Variants in NEK11 observed in about 807,000 individuals in gnomAD.
NEK11 encodes serine/threonine-protein kinase Nek11.
A neutral mutation model predicts 80.7 loss-of-function variants in NEK11; 72 were observed. That is an observed-to-expected ratio of 0.89 (90% CI 0.74 to 1.08). The LOEUF is 1.08. Ranked by LOEUF, NEK11 falls within the 50% of genes least tolerant of loss-of-function variation. NEK11 has a pLI of 0.00. For synonymous variants in NEK11, 251 were observed against 260.7 expected (o/e 0.96, Z 0.36); for missense variants, 764 against 763.6 (o/e 1.00, Z -0.01).
chr3:131,037,325 C>A (rs1176322602), intron 3 of NEK11, among the ~76,000 whole-genome samples: 1 of 149,970 alleles, frequency 6.7e-6, no homozygotes, highest in Non-Finnish European at 1.5e-5. Flanking sequence ...TGCTCTGTTG[C>A]CAGGCTGGAG....
At chr3:131,288,915 G>T (rs923306749) in intron 17 of NEK11, among the ~76,000 whole-genome samples, 2 of 152,128 alleles carry the variant, frequency 1.3e-5, no homozygotes, top group Non-Finnish European at 2.9e-5. Flanking sequence ...AGGGTAGATA[G>T]TAATAAATAA....
At chr3:131,156,426 A>G (rs2090649356) in intron 10 of NEK11, among the ~76,000 whole-genome samples, 1 of 152,168 alleles carries the variant, frequency 6.6e-6, no homozygotes, top group Non-Finnish European at 1.5e-5. Context: ...AGAGAAGCAA[A>G]TGCCATTGAG....
chr3:131,344,814 T>G (rs1363532958), intron 17 of NEK11, among the ~76,000 whole-genome samples: 1 of 152,038 alleles, frequency 6.6e-6, no homozygotes, highest in African/African-American at 2.4e-5. Context: ...TAACCAGATC[T>G]TGTGAGAATT....
intron 14 of NEK11, among the ~76,000 whole-genome samples, chr3:131,226,277 C>G (rs1252279862): frequency 2.6e-5 from 4 of 152,178 alleles, no homozygotes; most frequent in African/African-American, 9.7e-5. Context: ...TTTTCATACA[C>G]TTCTCATGCT....
intron 3 of NEK11, among the ~76,000 whole-genome samples, chr3:131,047,217 C>T (rs2067541991): frequency 1.3e-5 from 2 of 152,150 alleles, no homozygotes; most frequent in African/African-American, 4.8e-5. Context: ...AGTTAGACTT[C>T]ACCTTTCTCT....
Position 131,298,446 on chromosome 3 carries a change from T to C in NEK11, c.1718+24872T>C, listed in dbSNP as rs570319891. ...GAAGCAATTGTGAATGGGAATTCAC[T>C]CATGATTTGGCTCTCTGTCAGCCCA... On this transcript the variant is annotated intron_variant, in intron 17 of 17. Transcript: ENST00000383366. Among the ~76,000 whole-genome samples the C allele has an allele frequency of 2.0e-5, 3 of 152,316 alleles. No individual in the cohort carries two copies. In the East Asian group the frequency reaches 5.8e-4, roughly 29 times the overall value.
intron 14 of NEK11, among the ~76,000 whole-genome samples, chr3:131,175,778 G>T (rs1178370498): frequency 1.3e-5 from 2 of 152,068 alleles, no homozygotes; most frequent in Admixed American, 1.3e-4. Context: ...AAATAAAATT[G>T]ATAAATTAAA....
intron 17 of NEK11, among the ~76,000 whole-genome samples, chr3:131,310,623 C>T (rs909937259): frequency 4.6e-5 from 7 of 152,116 alleles, no homozygotes; most frequent in East Asian, 1.9e-4. Context: ...AAGTGAAAAG[C>T]GATGTCAGAG....
At chr3:131,170,456 T>C (rs2092610863) in intron 13 of NEK11, among the ~76,000 whole-genome samples, 1 of 152,074 alleles carries the variant, frequency 6.6e-6, no homozygotes, top group South Asian at 2.1e-4. Context: ...AGGTGCCAAA[T>C]TGAAGAAGGC....
At chr3:131,204,281 C>A (rs2094373953) in intron 14 of NEK11, among the ~76,000 whole-genome samples, 1 of 152,108 alleles carries the variant, frequency 6.6e-6, no homozygotes. Flanking sequence ...TTATCTGTAT[C>A]CTATGTCATA....
At chr3:131,172,739 A>C (rs2092770435) in intron 14 of NEK11, among the ~76,000 whole-genome samples, 1 of 152,214 alleles carries the variant, frequency 6.6e-6, no homozygotes, top group Non-Finnish European at 1.5e-5. Flanking sequence ...TAAGGCTGAG[A>C]ACTACTGGGC....
chr3:131,224,796 A>G (rs2095139997), intron 14 of NEK11, among the ~76,000 whole-genome samples: 1 of 152,200 alleles, frequency 6.6e-6, no homozygotes, highest in Admixed American at 6.5e-5. Context: ...TTAACAAAAT[A>G]GTTGAAAAAG....
At chr3:131,134,711 A>C (rs2085212247) in intron 7 of NEK11, among the ~76,000 whole-genome samples, 2 of 152,030 alleles carry the variant, frequency 1.3e-5, no homozygotes, top group African/African-American at 4.8e-5. Flanking sequence ...GGATAAACTA[A>C]ATTTTAAAAT....
chr3:131,194,391 C>T (rs1336142049), intron 14 of NEK11, among the ~76,000 whole-genome samples: 1 of 152,014 alleles, frequency 6.6e-6, no homozygotes, highest in African/African-American at 2.4e-5. Context: ...TATATATATG[C>T]ACCTCTTCCA....
chr3:131,237,662 T>C (rs2095453320), intron 15 of NEK11, among the ~76,000 whole-genome samples: 1 of 152,062 alleles, frequency 6.6e-6, no homozygotes, highest in Non-Finnish European at 1.5e-5. Flanking sequence ...ACATATCCAG[T>C]CTGCCTGGGA....
Position 131,142,913 on chromosome 3 carries a change from G to T in NEK11, c.647+8957G>T, listed in dbSNP as rs1350090812. On this transcript the variant is annotated intron_variant, in intron 7 of 17. Transcript: ENST00000383366. ...GCTCAGTTGTGGAGGAAAGTAATTA[G>T]AAAGAGCTGGTATGAACAGGAGAAA... Among the ~76,000 whole-genome samples, 3 of 152,126 alleles carry T rather than the reference G, an allele frequency of 2.0e-5. 1 individual carries two copies. Among genetic ancestry groups the T allele is most frequent in the African/African-American group, 7.2e-5 (3 of 41,430 alleles).
At chr3:131,294,310 T>G (rs1301044603) in intron 17 of NEK11, among the ~76,000 whole-genome samples, 1 of 152,148 alleles carries the variant, frequency 6.6e-6, no homozygotes, top group African/African-American at 2.4e-5. Context: ...TCTTGAGATT[T>G]CTTCTTTAAC....
intron 2 of NEK11, 48 bp from the exon 3 acceptor site, chr3:131,029,565 A>G (rs895596947): frequency 1.4e-6 from 1 of 708,114 alleles, no homozygotes; most frequent in African/African-American, 1.8e-5. Context: ...TTTGTTAGAC[A>G]TCGTTTAGCA....
intron 17 of NEK11, among the ~76,000 whole-genome samples, chr3:131,321,649 C>CA (rs1286654966): frequency 6.6e-6 from 1 of 151,758 alleles, no homozygotes; most frequent in African/African-American, 2.4e-5. Context: ...AATAATTAAG[C>CA]AAAAAACCAA....
Sources: allele counts gnomAD v4.1 joint callset (sites outside exome capture counted in the v4.1 genomes callset), GRCh38; gene constraint gnomAD v4.1.1; transcripts MANE v1.5; gene names NCBI Gene and HGNC (gene_info 2026-07-23, HGNC 2026-07-21).